The following DENND2B variants were observed in gnomAD, a reference collection of about 807,000 sequenced individuals.
DENND2B encodes DENN domain-containing protein 2B.
DENND2B carries 32 observed loss-of-function variants against 116.0 expected under a neutral mutation model. The observed-to-expected ratio is 0.28, with a 90% CI of 0.21 to 0.37. The LOEUF is 0.37. Among genes scored for constraint, DENND2B ranks in the 10% least tolerant of loss-of-function variants. The pLI is 1.00. For missense variants in DENND2B, 1,276 were observed against 1,477.7 expected, an observed-to-expected ratio of 0.86 and a Z score of 2.24; for synonymous variants, 588 against 583.9, an observed-to-expected ratio of 1.01 and a Z score of -0.10.
At chr11:8,731,355 T>TGAATA in intron 2 of DENND2B, 146 bp from the exon 3 acceptor site, 1 of 805,740 alleles carries the variant, frequency 1.2e-6, no homozygotes, top group Non-Finnish European at 1.8e-6. Flanking sequence ...TAATATACCT[T>TGAATA]GAAGGCTGTC....
At chr11:8,739,464 G>A (rs1247010143) in intron 2 of DENND2B, among the ~76,000 whole-genome samples, 3 of 152,204 alleles carry the variant, frequency 2.0e-5, no homozygotes, top group Non-Finnish European at 2.9e-5. Context: ...ATCTCTAACA[G>A]TGTTTGAACA....
At chr11:8,829,831 T>C (rs1467118889) in intron 4 of DENND2B, among the ~76,000 whole-genome samples, 1 of 152,124 alleles carries the variant, frequency 6.6e-6, no homozygotes, top group Non-Finnish European at 1.5e-5. Context: ...CCAGACTAGA[T>C]GAACTCTAAG....
intron 1 of DENND2B, among the ~76,000 whole-genome samples, chr11:8,891,962 T>G (rs933375544): frequency 2.6e-5 from 4 of 152,152 alleles, no homozygotes; most frequent in African/African-American, 7.2e-5. Context: ...CACACCGCAC[T>G]TATTCGAAAA....
At chr11:8,823,635 C>T (rs1361705499) in intron 4 of DENND2B, among the ~76,000 whole-genome samples, 1 of 152,188 alleles carries the variant, frequency 6.6e-6, no homozygotes, top group Admixed American at 6.5e-5. Context: ...CCTGCTTACA[C>T]TCATTCTCTC....
chr11:8,861,566 G>A (rs1318274280), intron 2 of DENND2B, among the ~76,000 whole-genome samples: 3 of 152,240 alleles, frequency 2.0e-5, no homozygotes, highest in African/African-American at 7.2e-5. Flanking sequence ...AAAAGCAAAT[G>A]CTTATACACT....
At chr11:8,743,149 A>C (rs1194126126) in intron 2 of DENND2B, among the ~76,000 whole-genome samples, 1 of 152,118 alleles carries the variant, frequency 6.6e-6, no homozygotes, top group Non-Finnish European at 1.5e-5. Flanking sequence ...TGTGTGTGAA[A>C]ACTCAAACTG....
At chr11:8,892,251 G>A (rs2064043614) in intron 1 of DENND2B, among the ~76,000 whole-genome samples, 1 of 152,158 alleles carries the variant, frequency 6.6e-6, no homozygotes, top group Non-Finnish European at 1.5e-5. Context: ...AGTGTGCAGA[G>A]GGAAACTTAT....
chr11:8,770,141 T>C (rs1156921735), intron 1 of DENND2B, among the ~76,000 whole-genome samples: 1 of 152,242 alleles, frequency 6.6e-6, no homozygotes. Flanking sequence ...GCCCAGTATC[T>C]AAACTACAAT....
At chr11:8,804,593 G>A (rs868290596) in intron 1 of DENND2B, among the ~76,000 whole-genome samples, 1 of 133,166 alleles carries the variant, frequency 7.5e-6, no homozygotes, top group African/African-American at 2.8e-5. Context: ...CGCCCAGGCT[G>A]GAGTGCAGTG....
At position 8,752,683 on chromosome 11, in the gene DENND2B, A is replaced by G. The variant is rs1283819332; in HGVS notation, c.-25-1958T>C. On this transcript the variant is annotated intron_variant, in intron 1 of 19. Transcript: ENST00000313726. ...ATTTAAAAGTAAAAAATGTCTGTTC[A>G]TGTACCATATATTCTTAGCTAATAT... Among the ~76,000 whole-genome samples the G allele has an allele frequency of 4.6e-5, 7 of 152,202 alleles. No homozygotes were observed. The East Asian group carries it at 1.3e-3, about 29-fold the overall frequency.
Position 8,779,505 on chromosome 11 carries a change from TCTTTCTTTC to T in DENND2B, c.-25-28789_-25-28781del, listed in dbSNP as rs1440378062. 7.9e-3 allele frequency among the ~76,000 whole-genome samples: 954 copies of T among 120,860 alleles called. 11 individuals carry two copies. The highest frequency in any genetic ancestry group is 0.043 in the Middle Eastern group (10 of 232). 79.3% of individuals were successfully genotyped at this position (120,860 alleles called of 152,430 possible). A position where few individuals can be genotyped will look rare whatever the true frequency, so the allele number is the denominator to read the frequency against. ...TTCCTTTTTCTTTCTTTTCTTTCTT[TCTTTCTTTC>T]TTTTTTTTTTTTTTTGAGACGAAGT... On this transcript the variant is annotated intron_variant, in intron 1 of 19. Transcript: ENST00000313726.
At chr11:8,834,599 C>T (rs1221490038) in intron 4 of DENND2B, among the ~76,000 whole-genome samples, 1 of 152,194 alleles carries the variant, frequency 6.6e-6, no homozygotes, top group South Asian at 2.1e-4. Flanking sequence ...CTCCTCTAGC[C>T]GAGACTGAAG....
chr11:8,702,468 A>G lies in DENND2B; in HGVS notation c.2720+104T>C. 6.6e-7 allele frequency: 1 copy of G among 1,524,998 alleles called. No homozygotes were observed. The highest frequency in any genetic ancestry group is 8.9e-7 in the Non-Finnish European group (1 of 1,128,126). The allele number at this position is 1,524,998 out of a possible 1,614,324, so 94.5% of individuals were successfully genotyped here. A position where few individuals can be genotyped will look rare whatever the true frequency, so the allele number is the denominator to read the frequency against. ...ATCTCCCTACGCACAGCCCCACTCC[A>G]GCACTGGTCTCCGGCGCCTGCTTAG... On this transcript the variant is annotated intron_variant, in intron 14 of 19. Coordinates refer to ENST00000313726, the MANE Select transcript of DENND2B (RefSeq NM_213618.2). This position sits in a 1 kb window ranked among gnomAD's most constrained non-coding sequence, Gnocchi z 4.6.
chr11:8,718,096 A>AACCCCCCCCCCCCCCC, intron 4 of DENND2B: 1 of 65,000 alleles, frequency 1.5e-5, no homozygotes, highest in Admixed American at 2.4e-4. Flanking sequence ...AAGCAGACCC[A>AACCCCCCCCCCCCCCC]CCCCCCCACC....
intron 3 of DENND2B, among the ~76,000 whole-genome samples, chr11:8,842,977 G>C (rs2062675897): frequency 6.6e-6 from 1 of 151,644 alleles, no homozygotes; most frequent in Non-Finnish European, 1.5e-5. Context: ...ACTGGCCTAA[G>C]GATCTCAAAT....
chr11:8,907,856 A>G (rs2064258556), intron 1 of DENND2B, among the ~76,000 whole-genome samples: 1 of 152,048 alleles, frequency 6.6e-6, no homozygotes, highest in Admixed American at 6.6e-5. Context: ...CCACCATGCC[A>G]GGCTAGTTTT....
At chr11:8,756,863 G>A (rs1166904965) in intron 1 of DENND2B, among the ~76,000 whole-genome samples, 2 of 152,200 alleles carry the variant, frequency 1.3e-5, no homozygotes, top group African/African-American at 2.4e-5. Context: ...CATGATGAGA[G>A]GCTTCTTTGC....
intron 4 of DENND2B, among the ~76,000 whole-genome samples, chr11:8,816,879 A>T (rs1359560856): frequency 6.6e-6 from 1 of 152,200 alleles, no homozygotes. Context: ...GTCCTACTGC[A>T]TCATTCTACG....
At chr11:8,783,512 A>T (rs781279859) in intron 1 of DENND2B, among the ~76,000 whole-genome samples, 21 of 152,178 alleles carry the variant, frequency 1.4e-4, no homozygotes, top group Admixed American at 3.3e-4. Context: ...ACTTTGGGGG[A>T]AAAAGCAATA....
Sources: allele counts gnomAD v4.1 joint callset (sites outside exome capture counted in the v4.1 genomes callset), GRCh38; gene constraint gnomAD v4.1.1; non-coding constraint Gnocchi (gnomAD v3.1); transcripts MANE v1.5; gene names NCBI Gene and HGNC (gene_info 2026-07-23, HGNC 2026-07-21).